Variants in TANC2 observed in about 807,000 individuals in gnomAD.
The protein encoded by TANC2 is protein TANC2.
In TANC2, 26 loss-of-function variants were observed where a neutral mutation model predicts 210.5. That is an observed-to-expected ratio of 0.12 (90% CI 0.09 to 0.17). The LOEUF (loss-of-function observed/expected upper bound fraction) is 0.17. Among genes scored for constraint, TANC2 ranks in the 10% least tolerant of loss-of-function variants. The pLI is 1.00. For missense variants in TANC2, 2,129 were observed against 2,608.9 expected (o/e 0.82, Z 4.01); for synonymous variants, 931 against 967.1 (o/e 0.96, Z 0.69).
chr17:63,013,401 T>A (rs2033960915), intron 2 of TANC2, among the ~76,000 whole-genome samples: 1 of 152,188 alleles, frequency 6.6e-6, no homozygotes, highest in Non-Finnish European at 1.5e-5. Flanking sequence ...CTTTTCTCTT[T>A]TAAGGTTTCT....
intron 1 of TANC2, chr17:62,978,555 T>C (rs965413678): frequency 6.6e-6 from 1 of 152,288 alleles, no homozygotes; most frequent in African/African-American, 2.4e-5. Flanking sequence ...ATGTTGACAG[T>C]ATGGACAGCT....
At chr17:63,308,198 C>G (rs991965310) in intron 9 of TANC2, among the ~76,000 whole-genome samples, 2 of 152,134 alleles carry the variant, frequency 1.3e-5, no homozygotes, top group Non-Finnish European at 2.9e-5. Flanking sequence ...TAAATTTCTT[C>G]TTATATTTTA....
At chr17:63,237,311 G>A (rs2042647342) in intron 7 of TANC2, among the ~76,000 whole-genome samples, 1 of 151,836 alleles carries the variant, frequency 6.6e-6, no homozygotes, top group South Asian at 2.1e-4. Context: ...ACTTTTTAAT[G>A]GGATTATTTG....
chr17:63,032,076 C>A (rs1378736407), intron 2 of TANC2, among the ~76,000 whole-genome samples: 17 of 152,178 alleles, frequency 1.1e-4, no homozygotes, highest in Admixed American at 1.1e-3. Context: ...ACTCCCATTT[C>A]TTATATCTAT....
At chr17:63,283,877 T>C (rs1256898327) in intron 9 of TANC2, among the ~76,000 whole-genome samples, 1 of 152,002 alleles carries the variant, frequency 6.6e-6, no homozygotes, top group Non-Finnish European at 1.5e-5. Context: ...CTAATGACTT[T>C]TTTTAATAGA....
chr17:63,319,677 A>G (rs1333179345), intron 11 of TANC2, among the ~76,000 whole-genome samples: 1 of 152,230 alleles, frequency 6.6e-6, no homozygotes. Flanking sequence ...ACCCAACATC[A>G]GGGTATAAGT....
At chr17:63,054,958 C>T (rs1157929153) in intron 2 of TANC2, among the ~76,000 whole-genome samples, 1 of 152,180 alleles carries the variant, frequency 6.6e-6, no homozygotes, top group Non-Finnish European at 1.5e-5. Flanking sequence ...CCTCCTTCAA[C>T]ATTTTAATTC....
intron 9 of TANC2, among the ~76,000 whole-genome samples, chr17:63,311,101 A>AAGT (rs1256658547): frequency 6.6e-6 from 1 of 152,198 alleles, no homozygotes; most frequent in Non-Finnish European, 1.5e-5. Context: ...TATAAAATGA[A>AAGT]AGTAGTAATA....
intron 1 of TANC2, among the ~76,000 whole-genome samples, chr17:63,008,169 T>G (rs2033708391): frequency 6.6e-6 from 1 of 152,156 alleles, no homozygotes; most frequent in East Asian, 1.9e-4. Flanking sequence ...AGTGTTTTTC[T>G]TTGTGGTTAT....
At chr17:63,170,555 G>A (rs964859906) in intron 5 of TANC2, among the ~76,000 whole-genome samples, 1 of 152,004 alleles carries the variant, frequency 6.6e-6, no homozygotes, top group African/African-American at 2.4e-5. Context: ...AAAAATTCTA[G>A]CATTTGTATT....
chr17:63,139,364 C>T (rs895299208), intron 4 of TANC2, among the ~76,000 whole-genome samples: 2 of 152,168 alleles, frequency 1.3e-5, no homozygotes, highest in Non-Finnish European at 2.9e-5. Context: ...CAGTGGCTCA[C>T]TCCTGTATTC....
At chr17:63,049,986 A>C (rs2035520376) in intron 2 of TANC2, among the ~76,000 whole-genome samples, 1 of 152,140 alleles carries the variant, frequency 6.6e-6, no homozygotes. Flanking sequence ...GAGATGAGGA[A>C]GACTGTGAGA....
At chr17:63,384,672 T>C (rs2047720909) in intron 15 of TANC2, among the ~76,000 whole-genome samples, 1 of 152,180 alleles carries the variant, frequency 6.6e-6, no homozygotes, top group Non-Finnish European at 1.5e-5. Flanking sequence ...AAGGTAACTG[T>C]TACAGGTCTT....
chr17:63,148,526 T>C (rs1398903012), intron 4 of TANC2: 1 of 152,148 alleles, frequency 6.6e-6, no homozygotes, highest in East Asian at 1.9e-4. Context: ...ATTCATCTGC[T>C]CAACCTCTGC....
In TANC2 at chr17:63,114,711, G is replaced by A. The variant is rs147125604; in HGVS notation, c.322+15354G>A. 2.0e-5 allele frequency among the ~76,000 whole-genome samples: 3 copies of A among 152,166 alleles called. No homozygotes were observed. The East Asian group carries it at 5.8e-4, about 29-fold the overall frequency. On this transcript the variant is annotated intron_variant, in intron 4 of 27. Transcript: ENST00000689528. Reference sequence around the variant, plus strand: ...CACGGATGATTACTCCTTAGAGAAAGCTTTTAATATAGCAAGACTGAAAAA... The same window carrying A: ...CACGGATGATTACTCCTTAGAGAAAACTTTTAATATAGCAAGACTGAAAAA...
intron 4 of TANC2, among the ~76,000 whole-genome samples, chr17:63,135,777 G>A (rs2039069618): frequency 6.6e-6 from 1 of 152,116 alleles, no homozygotes; most frequent in African/African-American, 2.4e-5. Context: ...CAGTAAAGCA[G>A]TAATCACGTA....
rs1567949646 is a variant in TANC2 at position 63,358,370 on chromosome 17, A to ATGT, written c.2582+2980_2582+2981insTGT. On this transcript the variant is annotated intron_variant, in intron 14 of 27. Transcript: ENST00000689528. Reference sequence around the variant, plus strand: ...AGTAGAGTGAGAGAGAGAGAGAGAGAGAGAGAGTATGTGTGTGTGTGTGTG... The same window carrying ATGT: ...AGTAGAGTGAGAGAGAGAGAGAGAGATGTGAGAGAGTATGTGTGTGTGTGTGTG... Among the ~76,000 whole-genome samples, 105 of 127,892 alleles carry ATGT rather than the reference A, an allele frequency of 8.2e-4. 1 individual carries two copies. The highest frequency in any genetic ancestry group is 3.3e-3 in the African/African-American group (104 of 31,102). The allele number at this position is 127,892 out of a possible 152,430, so 83.9% of individuals were successfully genotyped here. A position where few individuals can be genotyped will look rare whatever the true frequency, so the allele number is the denominator to read the frequency against.
intron 5 of TANC2, among the ~76,000 whole-genome samples, chr17:63,192,704 G>C (rs1031638894): frequency 6.6e-6 from 1 of 152,088 alleles, no homozygotes; most frequent in Non-Finnish European, 1.5e-5. Flanking sequence ...TGTAAAATGA[G>C]GGTAATAATT....
chr17:63,394,797 T>C (rs1009736086), intron 17 of TANC2, among the ~76,000 whole-genome samples: 4 of 152,212 alleles, frequency 2.6e-5, no homozygotes, highest in Non-Finnish European at 4.4e-5. Context: ...GTATACTCCT[T>C]TGTTGGACAG....
Sources: allele counts gnomAD v4.1 joint callset (sites outside exome capture counted in the v4.1 genomes callset), GRCh38; gene constraint gnomAD v4.1.1; transcripts MANE v1.5; gene names NCBI Gene and HGNC (gene_info 2026-07-23, HGNC 2026-07-21).